Variants in SLC20A2 observed in about 807,000 individuals in gnomAD.
SLC20A2 encodes solute carrier family 20 member 2, also known as sodium-dependent phosphate transporter 2.
In SLC20A2, 30 loss-of-function variants were observed where a neutral mutation model predicts 61.0. That is an observed-to-expected ratio of 0.49 (90% CI 0.37 to 0.67). SLC20A2 has a LOEUF of 0.67. Ranked by LOEUF, SLC20A2 falls within the 30% of genes least tolerant of loss-of-function variation. The pLI is 0.00. For synonymous variants in SLC20A2, 351 were observed against 353.3 expected (o/e 0.99, Z 0.07); for missense variants, 626 against 866.4 (o/e 0.72, Z 3.48).
rs184998406 is a variant in SLC20A2 at position 42,447,374 on chromosome 8, A to T, written c.614-2612T>A. 1.1e-4 allele frequency among the ~76,000 whole-genome samples: 17 copies of T among 150,298 alleles called. No individual in the cohort carries two copies. The East Asian group carries it at 2.2e-3, about 19-fold the overall frequency. ...AAAAAAAAAAAAATTAACATACTAT[A>T]AAAAAAATTAACATACATTTGGGCT... On this transcript the variant is annotated intron_variant, in intron 5 of 10. Transcript: ENST00000520262.
Position 42,522,115 on chromosome 8 carries a change from C to T in SLC20A2, c.-265+19706G>A, listed in dbSNP as rs1036745451. Among the ~76,000 whole-genome samples the T allele has an allele frequency of 1.7e-5, 2 of 120,606 alleles. 1 individual carries two copies. The highest frequency in any genetic ancestry group is 4.0e-5 in the Non-Finnish European group (2 of 50,296). 79.1% of individuals were successfully genotyped at this position (120,606 alleles called of 152,430 possible). On this transcript the variant is annotated intron_variant, in intron 1 of 10. Transcript: ENST00000342228. ...CCTAACCTAAGTGAAGGTACAAGCACGTAAAGGGGAAAGATGCAAATGGAT... is the reference window on the plus strand; with the variant it reads ...CCTAACCTAAGTGAAGGTACAAGCATGTAAAGGGGAAAGATGCAAATGGAT...
intron 5 of SLC20A2, among the ~76,000 whole-genome samples, chr8:42,459,291 G>T (rs1180117374): frequency 3.4e-5 from 5 of 146,526 alleles, no homozygotes; most frequent in African/African-American, 1.0e-4. Flanking sequence ...CCATGAGAAT[G>T]ACAAGGAAAG....
chr8:42,523,708 T>C (rs1044190418), intron 1 of SLC20A2, among the ~76,000 whole-genome samples: 2 of 152,188 alleles, frequency 1.3e-5, no homozygotes, highest in African/African-American at 4.8e-5. Flanking sequence ...TAAAAACAAA[T>C]GCAAAATCAA....
intron 5 of SLC20A2, among the ~76,000 whole-genome samples, chr8:42,446,126 G>C (rs887161693): frequency 1.3e-5 from 2 of 152,204 alleles, no homozygotes; most frequent in Non-Finnish European, 2.9e-5. Flanking sequence ...CAAGGAATAA[G>C]AGTTTTTTAA....
intron 5 of SLC20A2, among the ~76,000 whole-genome samples, chr8:42,458,520 G>C (rs1806384399): frequency 6.6e-6 from 1 of 151,926 alleles, no homozygotes; most frequent in African/African-American, 2.4e-5. Context: ...CTACTCAGGG[G>C]GCTGAGGTGG....
chr8:42,418,057 C>T (rs1466698635), intron 10 of SLC20A2, 90 bp from the exon 11 acceptor site: 3 of 1,043,450 alleles, frequency 2.9e-6, no homozygotes, highest in South Asian at 2.8e-5. Context: ...GAAACAAGCT[C>T]TAGTACAACA....
In SLC20A2 at chr8:42,439,593, T is replaced by C. The variant is rs1229245666; in HGVS notation, c.791A>G (p.Gln264Arg). Reference sequence around the variant, plus strand: ...TTTAAATACTGGGGACTCTGCTTCCTGAACCTTACTGAGGCTTTCGTCAGA... The same window carrying C: ...TTTAAATACTGGGGACTCTGCTTCCCGAACCTTACTGAGGCTTTCGTCAGA... ...RVSDESLSKV[Q>R]EAESPVFKEL... The change falls in exon 7 of 11, where the codon CAG (glutamine) becomes CGG (arginine). Residue 264 changes from glutamine to arginine, a missense_variant. Coordinates refer to ENST00000520262, the MANE Select transcript of SLC20A2 (RefSeq NM_001257180.2). 1.9e-6 allele frequency: 3 copies of C among 1,614,216 alleles called. No homozygotes were observed. Among genetic ancestry groups the C allele is most frequent in the East Asian group, 4.5e-5 (2 of 44,886 alleles).
chr8:42,451,808 G>GAA (rs1805696715), intron 5 of SLC20A2, among the ~76,000 whole-genome samples: 3 of 141,922 alleles, frequency 2.1e-5, no homozygotes. Context: ...AGGAAGAGAT[G>GAA]GAGGAGGAGA....
Position 42,438,069 on chromosome 8 carries a change from A to C in SLC20A2, c.935-492T>G, listed in dbSNP as rs535349977. Among the ~76,000 whole-genome samples the C allele has an allele frequency of 1.3e-3, 191 of 143,498 alleles. 8 individuals are homozygous for C. In the East Asian group the frequency reaches 0.017, roughly 13 times the overall value. The allele number at this position is 143,498 out of a possible 152,430, so 94.1% of individuals were successfully genotyped here. On this transcript the variant is annotated intron_variant, in intron 7 of 10. Coordinates refer to ENST00000520262, the MANE Select transcript of SLC20A2 (RefSeq NM_001257180.2). ...TACCACTAAAAAAAAAAACCAAAAA[A>C]AAAAAAAAAAAAAAAAAAAACATGG...
Position 42,467,218 on chromosome 8 carries a change from T to C in SLC20A2, c.290-1301A>G, listed in dbSNP as rs191400872. On this transcript the variant is annotated intron_variant, in intron 2 of 10. Coordinates refer to ENST00000520262, the MANE Select transcript of SLC20A2 (RefSeq NM_001257180.2). ...TCAGATCCTACCCAGAATGTTGGAC[T>C]TTTTATTTGTGTGTCTGATTCCTTG... Among the ~76,000 whole-genome samples, 652 of 152,318 alleles carry C rather than the reference T, an allele frequency of 4.3e-3. 4 individuals are homozygous for C. The highest frequency in any genetic ancestry group is 0.015 in the African/African-American group (623 of 41,566).
At chr8:42,506,531 A>T (rs1396252147) in intron 1 of SLC20A2, among the ~76,000 whole-genome samples, 2 of 152,200 alleles carry the variant, frequency 1.3e-5, no homozygotes, top group African/African-American at 4.8e-5. Context: ...TGGGATATTT[A>T]CTGAGTGCGG....
chr8:42,437,612 C>A lies in SLC20A2; in HGVS notation c.935-35G>T. 6.7e-6 allele frequency: 8 copies of A among 1,188,716 alleles called. No individual in the cohort carries two copies. Among genetic ancestry groups the A allele is most frequent in the South Asian group, 1.7e-5 (1 of 58,360 alleles). 73.6% of individuals were successfully genotyped at this position (1,188,716 alleles called of 1,614,324 possible). ...GTTAGAGAAGGTCTCATTTTCCAGT[C>A]TTTTTTTTTTTTTTCTTTTCTTTTT... On this transcript the variant is annotated intron_variant, in intron 7 of 10. Coordinates refer to ENST00000520262, the MANE Select transcript of SLC20A2 (RefSeq NM_001257180.2). The surrounding 1 kb of genome is among the most constrained non-coding windows in gnomAD (Gnocchi z 6.4).
At chr8:42,484,658 T>TG (rs369502222) in intron 1 of SLC20A2, 113 of 341,552 alleles carry the variant, frequency 3.3e-4, no homozygotes, top group African/African-American at 2.3e-3. Flanking sequence ...TGCAGCCCCA[T>TG]GGTGTCCCCT....
chr8:42,500,600 C>T (rs2131346166), intron 1 of SLC20A2, among the ~76,000 whole-genome samples: 1 of 152,294 alleles, frequency 6.6e-6, no homozygotes, highest in South Asian at 2.1e-4. Flanking sequence ...TTACATTTGA[C>T]ACTCCATTAT....
intron 5 of SLC20A2, among the ~76,000 whole-genome samples, chr8:42,451,486 G>C (rs566602190): frequency 6.7e-6 from 1 of 149,966 alleles, no homozygotes; most frequent in Non-Finnish European, 1.5e-5. Flanking sequence ...GGAGGAGGAA[G>C]AGATGGAGTA....
intron 1 of SLC20A2, among the ~76,000 whole-genome samples, chr8:42,526,783 T>C (rs1188196553): frequency 6.6e-6 from 1 of 151,624 alleles, no homozygotes; most frequent in Non-Finnish European, 1.5e-5. Flanking sequence ...TTTTAGCAAA[T>C]GTATGACATG....
intron 10 of SLC20A2, among the ~76,000 whole-genome samples, chr8:42,423,384 C>A (rs1803170940): frequency 6.6e-6 from 1 of 150,818 alleles, no homozygotes; most frequent in African/African-American, 2.4e-5. Flanking sequence ...GAGACAGGGT[C>A]TCACTATGTT....
At chr8:42,520,067 G>A (rs1049481380) in intron 1 of SLC20A2, among the ~76,000 whole-genome samples, 2 of 141,728 alleles carry the variant, frequency 1.4e-5, no homozygotes, top group Non-Finnish European at 3.0e-5. Context: ...AGGCTGGAGT[G>A]TAGTGACATG....
At chr8:42,461,624 G>C (rs140819074) in intron 4 of SLC20A2, among the ~76,000 whole-genome samples, 1 of 151,856 alleles carries the variant, frequency 6.6e-6, no homozygotes, top group African/African-American at 2.4e-5. Context: ...CTAACTTTTT[G>C]TATTTTTAGT....
Sources: gnomAD v4.1 joint callset for allele counts (sites outside exome capture counted in the v4.1 genomes callset) on GRCh38, gnomAD v4.1.1 for gene constraint, Gnocchi (gnomAD v3.1) non-coding constraint, MANE v1.5 for transcripts, NCBI Gene and HGNC (gene_info 2026-07-23, HGNC 2026-07-21) for gene names.